SAXO1: variants seen among roughly 807,000 people sequenced by gnomAD.
The protein encoded by SAXO1 is stabilizer of axonemal microtubules 1, also known as 4930500O09Rik.
Under a neutral mutation model 17.5 loss-of-function variants are expected in SAXO1, and 21 were observed. The ratio of observed to expected loss-of-function variants is 1.20; its 90% confidence interval spans 0.85 to 1.72. The LOEUF (loss-of-function observed/expected upper bound fraction) is 1.72. Among genes scored for constraint, SAXO1 ranks in the 40% most tolerant of loss-of-function variants. The pLI is 0.00. For missense variants in SAXO1, 843 were observed against 596.0 expected, an observed-to-expected ratio of 1.41 and a Z score of -4.32; for synonymous variants, 274 against 216.5, an observed-to-expected ratio of 1.27 and a Z score of -2.33.
At chr9:18,939,422 C>A (rs2131694696) in intron 3 of SAXO1, among the ~76,000 whole-genome samples, 1 of 152,244 alleles carries the variant, frequency 6.6e-6, no homozygotes, top group South Asian at 2.1e-4. Flanking sequence ...TACAGCCTGG[C>A]CATTAAAGGA....
At chr9:18,994,203 C>G (rs565426214) in intron 1 of SAXO1, among the ~76,000 whole-genome samples, 1 of 152,278 alleles carries the variant, frequency 6.6e-6, no homozygotes, top group Non-Finnish European at 1.5e-5. Flanking sequence ...ATGCCACCAG[C>G]AAGGGTAGCT....
At chr9:19,040,101 T>A (rs78812099) in intron 1 of SAXO1, among the ~76,000 whole-genome samples, 1 of 152,130 alleles carries the variant, frequency 6.6e-6, no homozygotes, top group Non-Finnish European at 1.5e-5. Flanking sequence ...AATCTTTTAT[T>A]TAAAAAAACT....
chr9:19,024,171 A>G (rs112565364), intron 1 of SAXO1, among the ~76,000 whole-genome samples: 7 of 151,744 alleles, frequency 4.6e-5, no homozygotes, highest in Non-Finnish European at 7.4e-5. Context: ...AGCTTCCGGC[A>G]CGATCTCCTG....
chr9:18,952,964 T>C (rs1299169505), intron 1 of SAXO1, among the ~76,000 whole-genome samples: 1 of 152,232 alleles, frequency 6.6e-6, no homozygotes, highest in South Asian at 2.1e-4. Flanking sequence ...TATGTTTGCA[T>C]AGTAAACCAA....
At chr9:18,999,890 G>A (rs1433556665) in intron 1 of SAXO1, among the ~76,000 whole-genome samples, 2 of 140,998 alleles carry the variant, frequency 1.4e-5, no homozygotes, top group Non-Finnish European at 3.1e-5. Flanking sequence ...CTACCCAGCC[G>A]CCCCACCATC....
chr9:19,025,417 T>C (rs866062336), intron 1 of SAXO1, among the ~76,000 whole-genome samples: 1 of 152,202 alleles, frequency 6.6e-6, no homozygotes, highest in Non-Finnish European at 1.5e-5. Context: ...AAATAAAATC[T>C]AAGGTTAAGG....
At chr9:18,943,870 G>A (rs1831683051) in intron 2 of SAXO1, among the ~76,000 whole-genome samples, 1 of 152,204 alleles carries the variant, frequency 6.6e-6, no homozygotes, top group South Asian at 2.1e-4. Flanking sequence ...CACTCTCAGG[G>A]ACCCTGCACA....
intron 1 of SAXO1, among the ~76,000 whole-genome samples, chr9:18,951,368 G>A (rs571070230): frequency 2.6e-5 from 4 of 152,284 alleles, no homozygotes; most frequent in East Asian, 3.9e-4. Flanking sequence ...AATAGGGCCA[G>A]CCAGTGTCTT....
chr9:19,020,344 A>ATT (rs770936586), intron 1 of SAXO1, among the ~76,000 whole-genome samples: 1,568 of 111,322 alleles, frequency 0.014, 25 homozygotes, highest in African/African-American at 0.04. Flanking sequence ...TGTCGAAATA[A>ATT]TTTTTTTTTT....
chr9:19,008,433 T>C (rs533188348), intron 1 of SAXO1, among the ~76,000 whole-genome samples: 1 of 152,200 alleles, frequency 6.6e-6, no homozygotes, highest in East Asian at 1.9e-4. Context: ...CATTCTCAGA[T>C]TGAACTGACC....
chr9:19,006,560 A>T (rs1461357326), intron 1 of SAXO1, among the ~76,000 whole-genome samples: 2 of 152,248 alleles, frequency 1.3e-5, no homozygotes, highest in African/African-American at 4.8e-5. Flanking sequence ...GGTACCTGCA[A>T]TAGGCAAATT....
intron 2 of SAXO1, among the ~76,000 whole-genome samples, chr9:18,947,043 G>A (rs1223572444): frequency 6.6e-6 from 1 of 152,158 alleles, no homozygotes; most frequent in African/African-American, 2.4e-5. Flanking sequence ...TGGCCAAAAT[G>A]TCTACAAATT....
chr9:19,021,217 A>C lies in SAXO1; in HGVS notation c.38+11654T>G, dbSNP rs77486966. Among the ~76,000 whole-genome samples, 365 of 152,304 alleles carry C rather than the reference A, an allele frequency of 2.4e-3. 1 individual carries two copies. The highest frequency in any genetic ancestry group is 8.2e-3 in the African/African-American group (342 of 41,560). On this transcript the variant is annotated intron_variant, in intron 1 of 3. Coordinates refer to ENST00000380534, the MANE Select transcript of SAXO1 (RefSeq NM_153707.4). ...CTGTGGAATTTGGAAACAGCACATT[A>C]AACTCTTTAGTTCTCTGAAATGAGA...
intron 1 of SAXO1, among the ~76,000 whole-genome samples, chr9:19,044,529 G>A (rs1588579646): frequency 1.3e-5 from 2 of 152,164 alleles, no homozygotes; most frequent in South Asian, 4.1e-4. Context: ...TTGGAAGCGG[G>A]AATGCACAAA....
At chr9:18,988,273 T>C (rs1275257504) in intron 1 of SAXO1, among the ~76,000 whole-genome samples, 2 of 152,236 alleles carry the variant, frequency 1.3e-5, no homozygotes, top group Non-Finnish European at 2.9e-5. Flanking sequence ...TGTCCTACTC[T>C]TCAAAAAGGA....
intron 1 of SAXO1, among the ~76,000 whole-genome samples, chr9:18,997,875 G>T (rs903396319): frequency 6.6e-6 from 1 of 152,166 alleles, no homozygotes; most frequent in Non-Finnish European, 1.5e-5. Flanking sequence ...TGCAGCTGAG[G>T]GGCCTGTCTG....
At chr9:19,032,755 C>T in intron 1 of SAXO1, 116 bp downstream of exon 1, 2 of 1,113,370 alleles carry the variant, frequency 1.8e-6, no homozygotes, top group Non-Finnish European at 2.6e-6. Context: ...AAAAACGTAG[C>T]AAGTGGACGA....
chr9:18,977,627 G>A (rs1341906199), intron 1 of SAXO1, among the ~76,000 whole-genome samples: 1 of 152,118 alleles, frequency 6.6e-6, no homozygotes, highest in African/African-American at 2.4e-5. Context: ...TGGGTTCCTT[G>A]AACTTCAGGG....
chr9:19,004,295 A>G (rs896469708), intron 1 of SAXO1, among the ~76,000 whole-genome samples: 11 of 152,362 alleles, frequency 7.2e-5, no homozygotes, highest in African/African-American at 2.6e-4. Flanking sequence ...GGGAATGTAA[A>G]TTAGTTCAAC....
Sources: allele counts gnomAD v4.1 joint callset (sites outside exome capture counted in the v4.1 genomes callset), GRCh38; gene constraint gnomAD v4.1.1; transcripts MANE v1.5; gene names NCBI Gene and HGNC (gene_info 2026-07-23, HGNC 2026-07-21).